CTNND2: variants seen among roughly 807,000 people sequenced by gnomAD.
The protein encoded by CTNND2 is catenin delta 2, also known as catenin delta-2.
A neutral mutation model predicts 144.4 loss-of-function variants in CTNND2; 22 were observed. That is an observed-to-expected ratio of 0.15 (90% confidence interval 0.11 to 0.22). CTNND2 has a LOEUF of 0.22. Among genes scored for constraint, CTNND2 ranks in the 10% least tolerant of loss-of-function variants. The pLI is 1.00. For missense variants in CTNND2, 1,353 were observed against 1,618.8 expected, an observed-to-expected ratio of 0.84 and a Z score of 2.82; for synonymous variants, 751 against 695.6, an observed-to-expected ratio of 1.08 and a Z score of -1.25.
intron 11 of CTNND2, among the ~76,000 whole-genome samples, chr5:11,167,735 G>T (rs906147109): frequency 1.4e-5 from 2 of 143,996 alleles, no homozygotes; most frequent in Non-Finnish European, 3.0e-5. Flanking sequence ...TCACTCTGTT[G>T]CCCAGGTTAG....
intron 1 of CTNND2, among the ~76,000 whole-genome samples, chr5:11,776,270 G>C (rs1244852608): frequency 6.6e-6 from 1 of 152,196 alleles, no homozygotes. Flanking sequence ...AAGCAGAGGG[G>C]GAGACCTTCC....
intron 18 of CTNND2, among the ~76,000 whole-genome samples, chr5:11,011,504 A>T (rs919278850): frequency 1.3e-5 from 2 of 152,200 alleles, no homozygotes; most frequent in Non-Finnish European, 2.9e-5. Flanking sequence ...GGCATGAGCC[A>T]CCATGCCCCG....
intron 8 of CTNND2, among the ~76,000 whole-genome samples, chr5:11,353,185 C>T (rs1315725392): frequency 6.6e-6 from 1 of 150,882 alleles, no homozygotes; most frequent in Non-Finnish European, 1.5e-5. Flanking sequence ...TTAGGGGCTT[C>T]TTCACATGAT....
chr5:11,651,877 T>C (rs1158700454), intron 2 of CTNND2, among the ~76,000 whole-genome samples: 2 of 152,190 alleles, frequency 1.3e-5, no homozygotes, highest in Non-Finnish European at 2.9e-5. Flanking sequence ...TTGTTTTTAT[T>C]TTATTTATTT....
intron 1 of CTNND2, among the ~76,000 whole-genome samples, chr5:11,741,767 TAATA>T (rs1042529110): frequency 3.4e-5 from 5 of 148,172 alleles, no homozygotes; most frequent in Admixed American, 6.8e-5. Flanking sequence ...ATTATATATA[TAATA>T]TATATTCATA....
intron 1 of CTNND2, among the ~76,000 whole-genome samples, chr5:11,839,335 C>T (rs1226162140): frequency 6.6e-6 from 1 of 152,088 alleles, no homozygotes; most frequent in Non-Finnish European, 1.5e-5. Context: ...TGTCTATTGA[C>T]TTGTGGGTCA....
intron 2 of CTNND2, among the ~76,000 whole-genome samples, chr5:11,694,480 T>G (rs888110663): frequency 1.3e-5 from 2 of 151,506 alleles, no homozygotes; most frequent in Admixed American, 1.3e-4. Context: ...AACTGAAATG[T>G]GGCACCAACT....
At chr5:11,534,902 T>G (rs1038471071) in intron 3 of CTNND2, among the ~76,000 whole-genome samples, 1 of 152,010 alleles carries the variant, frequency 6.6e-6, no homozygotes, top group African/African-American at 2.4e-5. Context: ...CAAAAAAAGA[T>G]TTCTTGGCCG....
intron 2 of CTNND2, among the ~76,000 whole-genome samples, chr5:11,654,665 T>A (rs1782820176): frequency 6.6e-6 from 1 of 151,844 alleles, no homozygotes; most frequent in Non-Finnish European, 1.5e-5. Flanking sequence ...TAGGGTTTTT[T>A]TTTTTACATA....
At chr5:11,132,769 C>T (rs1755750802) in intron 12 of CTNND2, among the ~76,000 whole-genome samples, 1 of 152,198 alleles carries the variant, frequency 6.6e-6, no homozygotes, top group Admixed American at 6.5e-5. Context: ...TGGATCAAAA[C>T]ATTCCTTGGA....
chr5:11,383,086 C>T (rs1250838206), intron 7 of CTNND2, among the ~76,000 whole-genome samples: 1 of 152,180 alleles, frequency 6.6e-6, no homozygotes, highest in Non-Finnish European at 1.5e-5. Context: ...TCGATTGCTA[C>T]TGAAATGATA....
chr5:11,162,167 GCAAA>G (rs538378664), intron 11 of CTNND2, among the ~76,000 whole-genome samples: 56 of 152,134 alleles, frequency 3.7e-4, no homozygotes, highest in African/African-American at 1.3e-3. Context: ...AAGCAAGCAA[GCAAA>G]CAAACAAACA....
chr5:11,513,860 G>A (rs899963547), intron 3 of CTNND2, among the ~76,000 whole-genome samples: 3 of 152,030 alleles, frequency 2.0e-5, no homozygotes, highest in Non-Finnish European at 4.4e-5. Flanking sequence ...ATATTAACAA[G>A]TATTTGTATA....
intron 7 of CTNND2, among the ~76,000 whole-genome samples, chr5:11,369,142 G>A (rs1285934470): frequency 6.6e-6 from 1 of 152,106 alleles, no homozygotes; most frequent in Non-Finnish European, 1.5e-5. Context: ...GAATGTTATA[G>A]TTTTATCTTT....
In CTNND2 at chr5:11,880,640, TACTACC is replaced by T. The variant is rs1735993877; in HGVS notation, c.37+23171_37+23176del. The stretch of plus-strand genomic sequence containing the variant: ...CTACTACTGCTACTAGTACTACTAC[TACTACC>T]ACTACTACTATCACCACTACTACTA... On this transcript the variant is annotated intron_variant, in intron 1 of 21. Coordinates refer to ENST00000304623, the MANE Select transcript of CTNND2 (RefSeq NM_001332.4). Among the ~76,000 whole-genome samples the T allele has an allele frequency of 4.3e-5, 6 of 139,040 alleles. 1 individual carries two copies. Among genetic ancestry groups the T allele is most frequent in the Admixed American group, 1.5e-4 (2 of 13,786 alleles). The allele number at this position is 139,040 out of a possible 152,430, so 91.2% of individuals were successfully genotyped here.
intron 9 of CTNND2, among the ~76,000 whole-genome samples, chr5:11,272,343 A>G (rs968656966): frequency 6.6e-6 from 1 of 152,220 alleles, no homozygotes; most frequent in Non-Finnish European, 1.5e-5. Flanking sequence ...GGCATTTGAC[A>G]ACATTCTTCC....
chr5:11,847,090 G>A (rs1179711407), intron 1 of CTNND2, among the ~76,000 whole-genome samples: 1 of 140,530 alleles, frequency 7.1e-6, no homozygotes, highest in Non-Finnish European at 1.5e-5. Context: ...ATTACTGGGT[G>A]TATATCCAAA....
At chr5:11,779,976 G>C (rs1040068018) in intron 1 of CTNND2, among the ~76,000 whole-genome samples, 3 of 152,114 alleles carry the variant, frequency 2.0e-5, no homozygotes, top group Non-Finnish European at 2.9e-5. Context: ...ACTAGGATTG[G>C]GGGAAGGACA....
At chr5:11,793,470 TAGTTA>T (rs1213462883) in intron 1 of CTNND2, among the ~76,000 whole-genome samples, 1 of 152,172 alleles carries the variant, frequency 6.6e-6, no homozygotes, top group East Asian at 1.9e-4. Flanking sequence ...CAAATGTAAT[TAGTTA>T]AGATGTGGTC....
Sources: allele counts gnomAD v4.1 joint callset (sites outside exome capture counted in the v4.1 genomes callset), GRCh38; gene constraint gnomAD v4.1.1; transcripts MANE v1.5; gene names NCBI Gene and HGNC (gene_info 2026-07-23, HGNC 2026-07-21).